The following TADA2A variants were observed in gnomAD, a reference collection of about 807,000 sequenced individuals.
TADA2A encodes transcriptional adaptor 2A.
TADA2A carries 38 observed loss-of-function variants against 67.4 expected under a neutral mutation model. The observed-to-expected ratio is 0.56, with a 90% CI of 0.44 to 0.74. The LOEUF (loss-of-function observed/expected upper bound fraction) is 0.74, where lower values mean the gene tolerates loss of function less well. TADA2A is among the 30% of genes least tolerant of loss of function. The probability of loss-of-function intolerance (pLI) is 0.00; values close to 1 mark genes in which losing one functional copy is unlikely to be tolerated. For missense variants in TADA2A, 454 were observed against 547.0 expected, an observed-to-expected ratio of 0.83 and a Z score of 1.70; for synonymous variants, 192 against 181.6, an observed-to-expected ratio of 1.06 and a Z score of -0.46.
intron 8 of TADA2A, among the ~76,000 whole-genome samples, chr17:37,452,219 G>A (rs1198953098): frequency 6.6e-6 from 1 of 151,820 alleles, no homozygotes; most frequent in African/African-American, 2.4e-5. Flanking sequence ...CCTGGCCAAT[G>A]TGGCAAAACC....
intron 14 of TADA2A, among the ~76,000 whole-genome samples, chr17:37,472,039 A>C (rs1452205743): frequency 1.3e-5 from 2 of 151,654 alleles, no homozygotes; most frequent in African/African-American, 2.4e-5. Flanking sequence ...GTAGATTCAG[A>C]ATCTGGGTCT....
chr17:37,413,455 AC>A (rs1173002601), intron 2 of TADA2A, among the ~76,000 whole-genome samples: 1 of 152,078 alleles, frequency 6.6e-6, no homozygotes, highest in Non-Finnish European at 1.5e-5. Flanking sequence ...ATACCCACAT[AC>A]CTTTTGTTAA....
chr17:37,477,113 A>T lies in TADA2A; in HGVS notation c.*131A>T. 2 of 945,586 alleles carry T rather than the reference A, an allele frequency of 2.1e-6. No homozygotes were observed. Among genetic ancestry groups the T allele is most frequent in the Non-Finnish European group, 3.1e-6 (2 of 644,850 alleles). The allele number at this position is 945,586 out of a possible 1,614,324, so 58.6% of individuals were successfully genotyped here. ...GTGAAAACAGGGGAAAGGACAAAGG[A>T]AACCTTAAGTTGTATTGTCTACTTT... On this transcript the variant is annotated 3_prime_UTR_variant, in exon 16 of 16. Coordinates refer to ENST00000615182, the MANE Select transcript of TADA2A (RefSeq NM_001166105.3).
chr17:37,458,777 A>G (rs1219219168), intron 9 of TADA2A, among the ~76,000 whole-genome samples, 190 bp downstream of exon 9: 2 of 151,962 alleles, frequency 1.3e-5, no homozygotes, highest in Admixed American at 6.6e-5. Flanking sequence ...CTCAGGCTCA[A>G]TTGATTCTCC....
At chr17:37,457,173 ATTC>A (rs922091433) in intron 8 of TADA2A, among the ~76,000 whole-genome samples, 2 of 126,548 alleles carry the variant, frequency 1.6e-5, no homozygotes, top group Non-Finnish European at 3.4e-5. Flanking sequence ...CACAATCATT[ATTC>A]TTTTTTTTTT....
chr17:37,462,136 TTTTC>T lies in TADA2A; in HGVS notation c.712+19_712+22del. 6.7e-7 allele frequency: 1 copy of T among 1,491,634 alleles called. No individual in the cohort carries two copies. 92.4% of individuals were successfully genotyped at this position (1,491,634 alleles called of 1,614,324 possible). ...AAAGTTTCAATGTAAGTATTAGCAG[TTTTC>T]TTTATTTTACAATTTTTTTCCAATA... On this transcript the variant is annotated intron_variant, in intron 10 of 15. Coordinates refer to ENST00000615182, the MANE Select transcript of TADA2A (RefSeq NM_001166105.3).
Position 37,423,624 on chromosome 17 carries a change from C to A in TADA2A, c.132+9C>A. On this transcript the variant is annotated intron_variant, in intron 3 of 15. Coordinates refer to ENST00000615182, the MANE Select transcript of TADA2A (RefSeq NM_001166105.3). ...TTTTCCTCTGCTTGCAGGTAACTCA[C>A]TAATGCTGGCTTCTCCTAGCCTAGT... is the stretch of plus-strand genomic sequence containing the variant. 6.3e-7 allele frequency: 1 copy of A among 1,592,636 alleles called. No individual in the cohort carries two copies. The highest frequency in any genetic ancestry group is 8.6e-7 in the Non-Finnish European group (1 of 1,166,906).
rs1278241356 is a variant in TADA2A at position 37,473,455 on chromosome 17, C to T, written c.1073-1101C>T. Among the ~76,000 whole-genome samples, 6 of 152,078 alleles carry T rather than the reference C, an allele frequency of 3.9e-5. No homozygotes were observed. The East Asian group carries it at 1.2e-3, about 29-fold the overall frequency. ...TGTGAGGAACCAAATGGTTTTATCT[C>T]CCTTTTTGAGGATTTGGAATAATCC... On this transcript the variant is annotated intron_variant, in intron 14 of 15. Transcript: ENST00000615182.
At chr17:37,439,906 CTTTATTTATTTATTTA>C (rs200809737) in intron 5 of TADA2A, among the ~76,000 whole-genome samples, 26 of 132,140 alleles carry the variant, frequency 2.0e-4, no homozygotes, top group African/African-American at 6.9e-4. Flanking sequence ...TTCCAGTCAT[CTTTATTTATTTATTTA>C]TTTATTTATT....
chr17:37,410,340 CTTTTT>C (rs35659950), intron 1 of TADA2A, among the ~76,000 whole-genome samples: 1 of 142,360 alleles, frequency 7.0e-6, no homozygotes, highest in African/African-American at 2.6e-5. Flanking sequence ...ACCCGGCTAA[CTTTTT>C]TTTTTTTTTT....
At chr17:37,463,289 A>G (rs1813108095) in intron 10 of TADA2A, among the ~76,000 whole-genome samples, 1 of 152,160 alleles carries the variant, frequency 6.6e-6, no homozygotes, top group Non-Finnish European at 1.5e-5. Flanking sequence ...GTGTCATAAT[A>G]TTCTTTTTTT....
chr17:37,417,035 C>T (rs1432900038), intron 2 of TADA2A, among the ~76,000 whole-genome samples: 1 of 152,044 alleles, frequency 6.6e-6, no homozygotes, highest in Admixed American at 6.6e-5. Context: ...ACTGTACACT[C>T]AACAATTTTA....
chr17:37,431,606 G>A (rs2052570974), intron 4 of TADA2A, among the ~76,000 whole-genome samples: 1 of 137,046 alleles, frequency 7.3e-6, no homozygotes, highest in Admixed American at 7.5e-5. Flanking sequence ...ACAGAGTCTT[G>A]CCCTGTCGCC....
intron 2 of TADA2A, among the ~76,000 whole-genome samples, chr17:37,416,832 T>TC (rs2052063968): frequency 6.7e-6 from 1 of 148,632 alleles, no homozygotes; most frequent in Non-Finnish European, 1.5e-5. Flanking sequence ...ACCACTACAC[T>TC]CCAGCCTTCC....
rs1186162445 is a variant in TADA2A at position 37,444,771 on chromosome 17, AAC to A, written c.604+5_604+6del. 1.2e-6 allele frequency: 2 copies of A among 1,613,580 alleles called. No homozygotes were observed. Among genetic ancestry groups the A allele is most frequent in the Non-Finnish European group, 1.7e-6 (2 of 1,179,668 alleles). On this transcript the variant is annotated splice_donor_5th_base_variant and intron_variant, in intron 8 of 15. Transcript: ENST00000615182. ...AGATGACTCGGACATTTTACATGGTAACAGTTTATTTTGTCAAATGTTTATCG... is the reference window on the plus strand; with the variant it reads ...AGATGACTCGGACATTTTACATGGTAAGTTTATTTTGTCAAATGTTTATCG...
chr17:37,435,081 T>G (rs1316710440), intron 4 of TADA2A, among the ~76,000 whole-genome samples: 1 of 152,154 alleles, frequency 6.6e-6, no homozygotes, highest in African/African-American at 2.4e-5. Flanking sequence ...ACCCCGTCTC[T>G]ACTAAAAATA....
At chr17:37,468,339 G>A (rs934975812) in intron 12 of TADA2A, among the ~76,000 whole-genome samples, 2 of 152,002 alleles carry the variant, frequency 1.3e-5, no homozygotes, top group African/African-American at 2.4e-5. Context: ...ATAAAGTACC[G>A]TTACTTCCAT....
chr17:37,441,880 C>T (rs919418655), intron 6 of TADA2A, among the ~76,000 whole-genome samples: 5 of 152,070 alleles, frequency 3.3e-5, no homozygotes, highest in African/African-American at 1.2e-4. Context: ...GTTGGCGAGG[C>T]TGGTCTCGAA....
At position 37,462,099 on chromosome 17, in the gene TADA2A, A is replaced by G. The variant is rs557296194; in HGVS notation, c.690A>G (p.Leu230=). 2 of 1,574,188 alleles carry G rather than the reference A, an allele frequency of 1.3e-6. No homozygotes were observed. Among genetic ancestry groups the G allele is most frequent in the African/African-American group, 1.4e-5 (1 of 73,664 alleles). ...CTAGAATTATAAGAGACCATGGATT[A>G]ATCAACCTTAGAAAGTTTCAATGTA... The part of the protein sequence containing the change: ...RRKKIIRDHG[L]INLRKFQLME... The change falls in exon 10 of 16, where the codon TTA becomes TTG. Residue 230 remains leucine, a synonymous_variant. Transcript: ENST00000615182.
Sources: gnomAD v4.1 joint callset for allele counts (sites outside exome capture counted in the v4.1 genomes callset) on GRCh38, gnomAD v4.1.1 for gene constraint, MANE v1.5 for transcripts, NCBI Gene and HGNC (gene_info 2026-07-23, HGNC 2026-07-21) for gene names.